The following PHKB variants were observed in gnomAD, a reference collection of about 807,000 sequenced individuals.
The protein encoded by PHKB is phosphorylase kinase regulatory subunit beta, also known as phosphorylase b kinase regulatory subunit beta.
Under a neutral mutation model 152.1 loss-of-function variants are expected in PHKB, and 122 were observed. The observed-to-expected ratio is 0.80, with a 90% CI of 0.69 to 0.93. The LOEUF (loss-of-function observed/expected upper bound fraction) is 0.93, where lower values mean the gene tolerates loss of function less well. PHKB is among the 40% of genes least tolerant of loss of function. The pLI is 0.00. For synonymous variants in PHKB, 436 were observed against 464.9 expected (o/e 0.94, Z 0.80); for missense variants, 1,304 against 1,328.4 (o/e 0.98, Z 0.29).
intron 14 of PHKB, among the ~76,000 whole-genome samples, chr16:47,627,774 A>G (rs747663196): frequency 6.6e-5 from 10 of 152,072 alleles, no homozygotes; most frequent in Non-Finnish European, 1.5e-4. Context: ...TAATTTTCAC[A>G]TGTTGCTGCT....
intron 1 of PHKB, among the ~76,000 whole-genome samples, chr16:47,464,729 G>A (rs939429563): frequency 2.0e-5 from 3 of 152,168 alleles, no homozygotes; most frequent in African/African-American, 7.2e-5. Context: ...ATTTAGTTAG[G>A]TGGCCACATA....
At position 47,660,508 on chromosome 16, in the gene PHKB, A is replaced by T. The variant is rs752837875; in HGVS notation, c.1974A>T (p.Thr658=). The T allele has an allele frequency of 6.2e-7, 1 of 1,612,728 alleles. No homozygotes were observed. ...GVKVHVDRLQ[T]LISGAVVEQL... ...AATCTTTTTCGATCACGTTTCAGACACTAATATCTGGAGCTGTGGTAGAAC... is the reference window on the plus strand; with the variant it reads ...AATCTTTTTCGATCACGTTTCAGACTCTAATATCTGGAGCTGTGGTAGAAC... The change falls in exon 21 of 31, where the codon ACA becomes ACT. Residue 658 remains threonine, a splice_region_variant and synonymous_variant. Coordinates refer to ENST00000323584, the MANE Select transcript of PHKB (RefSeq NM_000293.3).
intron 28 of PHKB, among the ~76,000 whole-genome samples, chr16:47,695,052 A>G (rs937134030): frequency 6.6e-6 from 1 of 152,226 alleles, no homozygotes; most frequent in East Asian, 1.9e-4. Flanking sequence ...CCAGTTTGAC[A>G]GAAGAGGACA....
At chr16:47,527,826 G>A (rs1418348215) in intron 6 of PHKB, among the ~76,000 whole-genome samples, 2 of 152,144 alleles carry the variant, frequency 1.3e-5, no homozygotes, top group Non-Finnish European at 2.9e-5. Flanking sequence ...AGGAATACCA[G>A]GGGTGTGTGT....
intron 6 of PHKB, among the ~76,000 whole-genome samples, chr16:47,516,808 A>G (rs1375043042): frequency 2.6e-5 from 4 of 152,236 alleles, no homozygotes; most frequent in African/African-American, 4.8e-5. Flanking sequence ...TAAGAAATTA[A>G]TAATACCCAG....
intron 5 of PHKB, among the ~76,000 whole-genome samples, chr16:47,514,531 G>C (rs150802697): frequency 3.3e-5 from 5 of 152,286 alleles, no homozygotes; most frequent in Admixed American, 3.3e-4. Flanking sequence ...CTGCCTTTTT[G>C]TTCCATCTGG....
intron 7 of PHKB, among the ~76,000 whole-genome samples, chr16:47,556,895 G>T (rs1036212140): frequency 6.6e-6 from 1 of 152,130 alleles, no homozygotes; most frequent in African/African-American, 2.4e-5. Context: ...AATCCATCTG[G>T]TCCTGGACTC....
Position 47,649,119 on chromosome 16 carries a change from A to C in PHKB, c.1712A>C (p.Lys571Thr), listed in dbSNP as rs770934710. The C allele has an allele frequency of 3.7e-6, 6 of 1,602,880 alleles. No homozygotes were observed. In the South Asian group the frequency reaches 5.5e-5, roughly 15 times the overall value. The change falls in exon 18 of 31, where the codon AAG becomes ACG. Residue 571 changes from lysine to threonine, a missense_variant. By Grantham distance (78) the Lys-to-Thr change is moderately conservative (BLOSUM62 -1). Transcript: ENST00000323584. ...GTSKIYRILG[K>T]TVVCYPIIFD... ...TTACAGATTTATCGCATTCTAGGAAAGACTGTGGTTTGTTACCCGATTATT... is the reference window on the plus strand; with the variant it reads ...TTACAGATTTATCGCATTCTAGGAACGACTGTGGTTTGTTACCCGATTATT...
chr16:47,525,630 G>A (rs1018667698), intron 6 of PHKB, among the ~76,000 whole-genome samples: 5 of 152,152 alleles, frequency 3.3e-5, no homozygotes, highest in East Asian at 1.9e-4. Flanking sequence ...CTGCCCCACC[G>A]TGTGTTTTAT....
intron 26 of PHKB, among the ~76,000 whole-genome samples, chr16:47,672,155 A>C (rs1033083312): frequency 6.6e-6 from 1 of 152,142 alleles, no homozygotes; most frequent in Non-Finnish European, 1.5e-5. Context: ...ATTTCAGTCA[A>C]ATTTCCTTAT....
At chr16:47,645,019 C>T (rs1973090219) in intron 16 of PHKB, among the ~76,000 whole-genome samples, 1 of 152,174 alleles carries the variant, frequency 6.6e-6, no homozygotes, top group Non-Finnish European at 1.5e-5. Flanking sequence ...TCTTAATATA[C>T]CAAGATTTCT....
At chr16:47,684,682 G>A (rs1169109821) in intron 26 of PHKB, among the ~76,000 whole-genome samples, 2 of 152,066 alleles carry the variant, frequency 1.3e-5, no homozygotes, top group African/African-American at 2.4e-5. Context: ...CAGGAGAATG[G>A]CGTGAGCCCG....
At chr16:47,546,267 G>C (rs1441997783) in intron 6 of PHKB, among the ~76,000 whole-genome samples, 1 of 152,098 alleles carries the variant, frequency 6.6e-6, no homozygotes, top group Admixed American at 6.6e-5. Context: ...CTACAGATGG[G>C]GTTTTGGTGT....
chr16:47,640,231 A>G (rs1330356913), intron 14 of PHKB, among the ~76,000 whole-genome samples: 1 of 152,206 alleles, frequency 6.6e-6, no homozygotes, highest in Non-Finnish European at 1.5e-5. Flanking sequence ...ATTTTACAGC[A>G]TATTATTGGG....
intron 6 of PHKB, among the ~76,000 whole-genome samples, chr16:47,538,566 C>T (rs191598483): frequency 1.5e-3 from 232 of 152,318 alleles, no homozygotes; most frequent in African/African-American, 5.1e-3. Context: ...TATGCTTGCC[C>T]CTGAGGGCAA....
At chr16:47,503,907 TA>T (rs1255040558) in intron 4 of PHKB, among the ~76,000 whole-genome samples, 1 of 152,158 alleles carries the variant, frequency 6.6e-6, no homozygotes, top group Non-Finnish European at 1.5e-5. Flanking sequence ...TAACAACATT[TA>T]AAAAACTATA....
chr16:47,602,193 T>TG (rs763007055), intron 13 of PHKB, among the ~76,000 whole-genome samples: 4 of 152,200 alleles, frequency 2.6e-5, no homozygotes, highest in Non-Finnish European at 4.4e-5. Context: ...CCTGAGTAGC[T>TG]GGGACTATGG....
chr16:47,591,163 C>T (rs1972022314), intron 10 of PHKB, among the ~76,000 whole-genome samples: 1 of 152,046 alleles, frequency 6.6e-6, no homozygotes. Context: ...CTTGTTTCCC[C>T]AACTTAAATT....
At chr16:47,574,945 A>G (rs527677678) in intron 7 of PHKB, among the ~76,000 whole-genome samples, 1 of 152,340 alleles carries the variant, frequency 6.6e-6, no homozygotes, top group East Asian at 1.9e-4. Context: ...ATTTTACCAC[A>G]TAGAACTTCC....
Sources: gnomAD v4.1 joint callset for allele counts (sites outside exome capture counted in the v4.1 genomes callset) on GRCh38, gnomAD v4.1.1 for gene constraint, MANE v1.5 for transcripts, NCBI Gene and HGNC (gene_info 2026-07-23, HGNC 2026-07-21) for gene names.